TSPAN8: variants seen among roughly 807,000 people sequenced by gnomAD.
TSPAN8 encodes tetraspanin 8.
A neutral mutation model predicts 32.8 loss-of-function variants in TSPAN8; 21 were observed. The observed-to-expected ratio is 0.64, with a 90% CI of 0.45 to 0.92. TSPAN8 has a LOEUF of 0.92. Ranked by LOEUF, TSPAN8 falls within the 40% of genes least tolerant of loss-of-function variation. The probability of loss-of-function intolerance (pLI) is 0.00; values close to 1 mark genes in which losing one functional copy is unlikely to be tolerated. For missense variants in TSPAN8, 269 were observed against 281.9 expected (o/e 0.95, Z 0.33); for synonymous variants, 95 against 94.6 (o/e 1.00, Z -0.03).
chr12:71,139,057 A>G (rs1395722379), intron 4 of TSPAN8: 1 of 454,552 alleles, frequency 2.2e-6, no homozygotes, highest in African/African-American at 2.0e-5. Flanking sequence ...TATCCTCCTC[A>G]ATGCTCTCTA....
chr12:71,154,454 T>A (rs537308682), intron 2 of TSPAN8, among the ~76,000 whole-genome samples: 47 of 151,892 alleles, frequency 3.1e-4, no homozygotes, highest in African/African-American at 8.9e-4. Flanking sequence ...AGGTAAATAA[T>A]CCTGAATCTA....
At position 71,125,159 on chromosome 12, in the gene TSPAN8, C is replaced by A; in HGVS notation, c.*175G>T. On this transcript the variant is annotated 3_prime_UTR_variant, in exon 9 of 9. Transcript: ENST00000247829. The stretch of plus-strand genomic sequence containing the variant: ...CATTCATATCATTTTCCCTTATATC[C>A]CTCAAATCTTAAATGTGTTCAATAT... 1 of 503,560 alleles carries A rather than the reference C, an allele frequency of 2.0e-6. No individual in the cohort carries two copies. The highest frequency in any genetic ancestry group is 3.5e-6 in the Non-Finnish European group (1 of 282,558). 31.2% of individuals were successfully genotyped at this position (503,560 alleles called of 1,614,324 possible).
chr12:71,129,557 C>T (rs1871454471), intron 7 of TSPAN8, 143 bp from the exon 8 acceptor site: 5 of 919,504 alleles, frequency 5.4e-6, no homozygotes, highest in African/African-American at 1.7e-5. Context: ...ATTCCTTCCA[C>T]TCCCTGCTTC....
chr12:71,144,175 T>C lies in TSPAN8; in HGVS notation c.99A>G (p.Val33=). ...GILILALAIW[V]RVSNDSQAIF... ...CTGCTTGAGAGTCATTGCTTACTCGTACCCATATTGCTAATGCTAGGATCA... is the reference window on the plus strand; with the variant it reads ...CTGCTTGAGAGTCATTGCTTACTCGCACCCATATTGCTAATGCTAGGATCA... The change falls in exon 3 of 9, where the codon GTA becomes GTG. Residue 33 remains valine, a synonymous_variant. Coordinates refer to ENST00000247829, the MANE Select transcript of TSPAN8 (RefSeq NM_004616.3). 1 of 1,612,222 alleles carries C rather than the reference T, an allele frequency of 6.2e-7. No individual in the cohort carries two copies. The highest frequency in any genetic ancestry group is 1.3e-5 in the African/African-American group (1 of 75,004).
At chr12:71,142,960 G>C (rs1871953165) in intron 3 of TSPAN8, among the ~76,000 whole-genome samples, 1 of 152,084 alleles carries the variant, frequency 6.6e-6, no homozygotes, top group South Asian at 2.1e-4. Context: ...TTTCCACTAG[G>C]CTGTGTTCAA....
chr12:71,157,494 G>A, intron 2 of TSPAN8, 125 bp downstream of exon 2: 1 of 665,388 alleles, frequency 1.5e-6, no homozygotes, highest in Non-Finnish European at 2.6e-6. Context: ...ATCCAAACAA[G>A]TACATGGAAA....
chr12:71,144,031 A>G, intron 3 of TSPAN8, 120 bp downstream of exon 3: 1 of 766,694 alleles, frequency 1.3e-6, no homozygotes, highest in South Asian at 2.0e-5. Context: ...ACAAGTGATT[A>G]CATGAAGCAG....
intron 6 of TSPAN8, among the ~76,000 whole-genome samples, chr12:71,133,960 T>C (rs1441107840): frequency 6.6e-6 from 1 of 152,160 alleles, no homozygotes; most frequent in Admixed American, 6.5e-5. Flanking sequence ...CCAGCTCTGA[T>C]ACATTGCAAT....
At chr12:71,150,165 A>AC (rs1198264601) in intron 2 of TSPAN8, among the ~76,000 whole-genome samples, 1 of 152,148 alleles carries the variant, frequency 6.6e-6, no homozygotes, top group Non-Finnish European at 1.5e-5. Context: ...TTGGGGTCAG[A>AC]CCGGTTCTCT....
At chr12:71,135,691 A>G (rs1871674939) in intron 6 of TSPAN8, among the ~76,000 whole-genome samples, 1 of 152,194 alleles carries the variant, frequency 6.6e-6, no homozygotes, top group African/African-American at 2.4e-5. Flanking sequence ...CAGCACATTT[A>G]GAAACCCAGG....
At chr12:71,147,729 T>A (rs1484279632) in intron 2 of TSPAN8, among the ~76,000 whole-genome samples, 1 of 152,078 alleles carries the variant, frequency 6.6e-6, no homozygotes, top group East Asian at 1.9e-4. Context: ...TACTTGTGAG[T>A]TTTTTTGCAT....
intron 3 of TSPAN8, 46 bp from the exon 4 acceptor site, chr12:71,139,894 G>A (rs768529949): frequency 2.0e-6 from 3 of 1,519,990 alleles, no homozygotes; most frequent in South Asian, 1.2e-5. Flanking sequence ...TTTCCTTGAA[G>A]TTTATTTTGC....
chr12:71,143,537 T>C (rs980607309), intron 3 of TSPAN8, among the ~76,000 whole-genome samples: 2 of 152,156 alleles, frequency 1.3e-5, no homozygotes, highest in Non-Finnish European at 2.9e-5. Flanking sequence ...GTTCATCTTA[T>C]ACATATAGCA....
chr12:71,148,209 T>A (rs939876864), intron 2 of TSPAN8, among the ~76,000 whole-genome samples: 1 of 152,208 alleles, frequency 6.6e-6, no homozygotes, highest in Non-Finnish European at 1.5e-5. Context: ...CCATTTTTAC[T>A]TATACCTTAA....
intron 6 of TSPAN8, among the ~76,000 whole-genome samples, chr12:71,136,914 T>C (rs562477400): frequency 6.6e-6 from 1 of 152,170 alleles, no homozygotes; most frequent in African/African-American, 2.4e-5. Flanking sequence ...ACCTGCTACA[T>C]AGTAGCAATT....
chr12:71,141,272 C>A (rs978549666), intron 3 of TSPAN8, among the ~76,000 whole-genome samples: 1 of 152,094 alleles, frequency 6.6e-6, no homozygotes, highest in African/African-American at 2.4e-5. Flanking sequence ...TTGGTTAAGT[C>A]CTAAAGATTT....
chr12:71,151,219 AC>A (rs1419790849), intron 2 of TSPAN8, among the ~76,000 whole-genome samples: 1 of 151,946 alleles, frequency 6.6e-6, no homozygotes, highest in African/African-American at 2.4e-5. Context: ...GTCAGCCACC[AC>A]GCCCAGCTAA....
chr12:71,137,957 T>G lies in TSPAN8; in HGVS notation c.440A>C (p.Glu147Ala). The change falls in exon 6 of 9, where the codon GAA (glutamate) becomes GCA (alanine). Residue 147 changes from glutamate (E) to alanine (A), a missense_variant. Transcript: ENST00000247829. Reference sequence around the variant, plus strand: ...TGAACAATGAATTCTAATTACCTCTTCTTGAAACACAATTATGGCTTCCTG... The same window carrying G: ...TGAACAATGAATTCTAATTACCTCTGCTTGAAACACAATTATGGCTTCCTG... ...QFQEAIIVFQ[E>A]EFKCCGLVNG... 6.2e-7 allele frequency: 1 copy of G among 1,612,158 alleles called. No individual in the cohort carries two copies. The highest frequency in any genetic ancestry group is 8.5e-7 in the Non-Finnish European group (1 of 1,179,456).
At chr12:71,144,393 G>A (rs570591040) in intron 2 of TSPAN8, among the ~76,000 whole-genome samples, 180 bp from the exon 3 acceptor site, 1 of 152,256 alleles carries the variant, frequency 6.6e-6, no homozygotes, top group South Asian at 2.1e-4. Context: ...ATTGCAATGT[G>A]TAAGTTTGAT....
Sources: gnomAD v4.1 joint callset for allele counts (sites outside exome capture counted in the v4.1 genomes callset) on GRCh38, gnomAD v4.1.1 for gene constraint, MANE v1.5 for transcripts, NCBI Gene and HGNC (gene_info 2026-07-23, HGNC 2026-07-21) for gene names.